ZFYVE16: variants seen among roughly 807,000 people sequenced by gnomAD.
ZFYVE16 encodes zinc finger FYVE domain-containing protein 16.
ZFYVE16 carries 89 observed loss-of-function variants against 138.1 expected under a neutral mutation model. That is an observed-to-expected ratio of 0.64 (90% confidence interval 0.54 to 0.77). The LOEUF is 0.77. ZFYVE16 is among the 30% of genes least tolerant of loss of function. The pLI is 0.00. For missense variants in ZFYVE16, 1,793 were observed against 1,786.7 expected, an observed-to-expected ratio of 1.00 and a Z score of -0.06; for synonymous variants, 596 against 618.3, an observed-to-expected ratio of 0.96 and a Z score of 0.53.
chr5:80,453,748 A>G (rs1054528390), intron 11 of ZFYVE16, among the ~76,000 whole-genome samples: 1 of 152,210 alleles, frequency 6.6e-6, no homozygotes, highest in African/African-American at 2.4e-5. Flanking sequence ...GGTAATGTAC[A>G]TTTGAAAAAG....
intron 11 of ZFYVE16, chr5:80,452,189 C>T (rs1752048209): frequency 6.5e-6 from 1 of 153,626 alleles, no homozygotes; most frequent in African/African-American, 2.4e-5. Context: ...ACTCCCAGCA[C>T]TTTGGGAGGC....
intron 8 of ZFYVE16, among the ~76,000 whole-genome samples, chr5:80,448,728 A>G (rs1338772231): frequency 6.6e-6 from 1 of 152,124 alleles, no homozygotes; most frequent in East Asian, 1.9e-4. Context: ...TAGGAGCATG[A>G]TACCTAAAGA....
chr5:80,408,740 A>G (rs1312775271), intron 1 of ZFYVE16, among the ~76,000 whole-genome samples: 74 of 152,168 alleles, frequency 4.9e-4, no homozygotes. Flanking sequence ...TTTAACTCTT[A>G]TTTGTACTAT....
chr5:80,450,441 C>A lies in ZFYVE16; in HGVS notation c.3237C>A (p.Asp1079Glu), dbSNP rs753933912. The change falls in exon 10 of 19, where the codon GAC becomes GAA. Residue 1079 changes from aspartate (D) to glutamate (E), a missense_variant. Coordinates refer to ENST00000505560, the MANE Select transcript of ZFYVE16 (RefSeq NM_001284236.3). ...VNVKFIFYSS[D>E]KYWYFSTNGL... is the part of the protein sequence containing the mutation. ...CTTTTATCATCTAAGATTCCTCAGA[C>A]AAATATTGGTACTTTTCAACCAATG... The A allele has an allele frequency of 5.0e-6, 8 of 1,613,006 alleles. No homozygotes were observed. The African/African-American group carries it at 1.1e-4, about 22-fold the overall frequency.
In ZFYVE16 at chr5:80,437,073, A is replaced by G. The variant is rs1195954903; in HGVS notation, c.388A>G (p.Ile130Val). The change falls in exon 4 of 19, where the codon ATA becomes GTA. Residue 130 changes from isoleucine (I) to valine (V), a missense_variant. Ile to Val is a conservative substitution (Grantham distance 29, BLOSUM62 3). This residue lies in a region of ZFYVE16 where 1,295 missense variants were observed against 1,204.3 expected (regional missense o/e 1.08). Coordinates refer to ENST00000505560, the MANE Select transcript of ZFYVE16 (RefSeq NM_001284236.3). ...ATGTAGTAAACCTATCTGTGATCTG[A>G]TAAGTGACATGGGTAACTTAGTTCA... The part of the protein sequence containing the change: ...GRCSKPICDL[I>V]SDMGNLVHAT... The G allele has an allele frequency of 6.2e-7, 1 of 1,614,068 alleles. No individual in the cohort carries two copies. The highest frequency in any genetic ancestry group is 8.5e-7 in the Non-Finnish European group (1 of 1,180,030).
Position 80,483,151 on chromosome 5 carries a change from G to C in ZFYVE16, c.*5774G>C, listed in dbSNP as rs184119031. The C allele has an allele frequency of 6.6e-6, 1 of 152,220 alleles. No homozygotes were observed. The highest frequency in any genetic ancestry group is 2.1e-4 in the South Asian group (1 of 4,830). 9.4% of individuals were successfully genotyped at this position (152,220 alleles called of 1,614,324 possible). A position where few individuals can be genotyped will look rare whatever the true frequency, so the allele number is the denominator to read the frequency against. ...CCCAAAGTGCTGAGATTAGAGGCAT[G>C]AGCCACCATACCTGGCTGAAATAAA... On this transcript the variant is annotated 3_prime_UTR_variant, in exon 19 of 19. Coordinates refer to ENST00000505560, the MANE Select transcript of ZFYVE16 (RefSeq NM_001284236.3).
intron 15 of ZFYVE16, among the ~76,000 whole-genome samples, chr5:80,461,478 C>T (rs947328997): frequency 4.6e-5 from 7 of 152,120 alleles, no homozygotes; most frequent in Admixed American, 1.3e-4. Flanking sequence ...TCATCTTAAT[C>T]AGTTTGGGCT....
At chr5:80,473,975 C>A in intron 17 of ZFYVE16, 116 bp downstream of exon 17, 2 of 727,660 alleles carry the variant, frequency 2.7e-6, no homozygotes, top group Non-Finnish European at 4.4e-6. Context: ...ACTTTTTATG[C>A]TACACTTTGA....
At chr5:80,426,472 G>T (rs942346421) in intron 1 of ZFYVE16, among the ~76,000 whole-genome samples, 1 of 143,064 alleles carries the variant, frequency 7.0e-6, no homozygotes, top group Non-Finnish European at 1.5e-5. Context: ...GCAGGCCCCA[G>T]TGTGTCTGGT....
At chr5:80,456,640 TTTTG>T in intron 13 of ZFYVE16, 75 bp downstream of exon 13, 1 of 1,367,116 alleles carries the variant, frequency 7.3e-7, no homozygotes, top group Non-Finnish European at 1.0e-6. Flanking sequence ...ACATTAAATT[TTTTG>T]TTTTGAATTA....
chr5:80,460,429 C>T (rs1752981394), intron 15 of ZFYVE16, among the ~76,000 whole-genome samples: 1 of 152,070 alleles, frequency 6.6e-6, no homozygotes, highest in South Asian at 2.1e-4. Context: ...CATTTTAATA[C>T]AGTATAATTT....
At chr5:80,440,079 T>G (rs770778178) in intron 5 of ZFYVE16, 47 bp downstream of exon 5, 2 of 1,551,822 alleles carry the variant, frequency 1.3e-6, no homozygotes, top group East Asian at 4.7e-5. Context: ...GAATATATCT[T>G]AAAATTAATT....
At chr5:80,445,440 C>G (rs775876068) in intron 7 of ZFYVE16, 35 bp downstream of exon 7, 2 of 1,558,646 alleles carry the variant, frequency 1.3e-6, no homozygotes, top group Admixed American at 1.9e-5. Flanking sequence ...ATTGACTAAA[C>G]AAAATTTTAT....
At chr5:80,452,979 A>C (rs1165103621) in intron 11 of ZFYVE16, among the ~76,000 whole-genome samples, 2 of 152,192 alleles carry the variant, frequency 1.3e-5, no homozygotes, top group African/African-American at 4.8e-5. Context: ...TTTTTCAAGA[A>C]ATAATATATT....
intron 2 of ZFYVE16, among the ~76,000 whole-genome samples, chr5:80,430,091 A>G (rs1309463031): frequency 6.6e-6 from 1 of 152,224 alleles, no homozygotes; most frequent in Non-Finnish European, 1.5e-5. Flanking sequence ...AAGCGGACGT[A>G]ATAGACATCT....
rs191516625 is a variant in ZFYVE16, at chr5:80,469,003, T to C, written c.4025-3758T>C. ...TTAATACCTTTTAAGAAGTGAACTTTTATGATTTATTTTTATGTGCCATAT... is the reference window on the plus strand; with the variant it reads ...TTAATACCTTTTAAGAAGTGAACTTCTATGATTTATTTTTATGTGCCATAT... On this transcript the variant is annotated intron_variant, in intron 15 of 18. Coordinates refer to ENST00000505560, the MANE Select transcript of ZFYVE16 (RefSeq NM_001284236.3). Among the ~76,000 whole-genome samples, 306 of 152,186 alleles carry C rather than the reference T, an allele frequency of 2.0e-3. 2 individuals are homozygous for C. Among genetic ancestry groups the C allele is most frequent in the African/African-American group, 7.1e-3 (293 of 41,534 alleles).
At chr5:80,446,117 AAC>A (rs1293351426) in intron 7 of ZFYVE16, among the ~76,000 whole-genome samples, 1 of 152,008 alleles carries the variant, frequency 6.6e-6, no homozygotes, top group Non-Finnish European at 1.5e-5. Context: ...GCTGGTCTCA[AAC>A]TCCTGACCTC....
At chr5:80,427,006 T>C (rs893820452) in intron 1 of ZFYVE16, among the ~76,000 whole-genome samples, 1 of 152,176 alleles carries the variant, frequency 6.6e-6, no homozygotes, top group Admixed American at 6.5e-5. Context: ...TGATCAGTGA[T>C]GTTGAGCCCT....
In ZFYVE16 at chr5:80,436,747, CT is replaced by C; in HGVS notation, c.71-8del. On this transcript the variant is annotated splice_polypyrimidine_tract_variant and splice_region_variant and intron_variant, in intron 3 of 18. Coordinates refer to ENST00000505560, the MANE Select transcript of ZFYVE16 (RefSeq NM_001284236.3). ...AAGTCTCCCGAATAACACTGTTTCTCTATTTCAGATGAACAAGATTATCTCC... is the reference window on the plus strand; with the variant it reads ...AAGTCTCCCGAATAACACTGTTTCTCATTTCAGATGAACAAGATTATCTCC... 1 of 1,595,108 alleles carries C rather than the reference CT, an allele frequency of 6.3e-7. No homozygotes were observed. The highest frequency in any genetic ancestry group is 8.5e-7 in the Non-Finnish European group (1 of 1,169,630).
Sources: allele counts gnomAD v4.1 joint callset (sites outside exome capture counted in the v4.1 genomes callset), GRCh38; gene constraint gnomAD v4.1.1; regional missense constraint gnomAD v4.1.1; transcripts MANE v1.5; gene names NCBI Gene and HGNC (gene_info 2026-07-23, HGNC 2026-07-21).